CPEB4: variants seen among roughly 807,000 people sequenced by gnomAD.
CPEB4 encodes cytoplasmic polyadenylation element binding protein 4.
A neutral mutation model predicts 72.5 loss-of-function variants in CPEB4; 12 were observed. The observed-to-expected ratio is 0.17, with a 90% CI of 0.11 to 0.27. The LOEUF (loss-of-function observed/expected upper bound fraction) is 0.27. Among genes scored for constraint, CPEB4 ranks in the 10% least tolerant of loss-of-function variants. The pLI is 1.00. For synonymous variants in CPEB4, 302 were observed against 326.3 expected (o/e 0.93, Z 0.80); for missense variants, 614 against 908.5 (o/e 0.68, Z 4.17).
At chr5:173,917,835 G>A (rs759656856) in intron 2 of CPEB4, among the ~76,000 whole-genome samples, 1 of 152,242 alleles carries the variant, frequency 6.6e-6, no homozygotes, top group African/African-American at 2.4e-5. Flanking sequence ...GGTATCAAAT[G>A]TGTCTGGCGA....
intron 2 of CPEB4, among the ~76,000 whole-genome samples, chr5:173,925,335 G>A (rs1407065955): frequency 3.3e-5 from 5 of 152,156 alleles, no homozygotes; most frequent in Non-Finnish European, 5.9e-5. Context: ...CTCTTTGGGA[G>A]GGGACAAGAC....
At position 173,890,340 on chromosome 5, in the gene CPEB4, G is replaced by C; in HGVS notation, c.607G>C (p.Gly203Arg). 2 of 1,614,094 alleles carry C rather than the reference G, an allele frequency of 1.2e-6. No homozygotes were observed. Among genetic ancestry groups the C allele is most frequent in the Non-Finnish European group, 8.5e-7 (1 of 1,180,008 alleles). The change falls in exon 1 of 10, where the codon GGT becomes CGT. Residue 203 changes from glycine (G) to arginine (R), a missense_variant. Gly to Arg is a moderately radical substitution (Grantham distance 125, BLOSUM62 -2). Coordinates refer to ENST00000265085, the MANE Select transcript of CPEB4 (RefSeq NM_030627.4). The stretch of plus-strand genomic sequence containing the variant: ...GGTCCCTGCTGCTTCGGCTAATAAC[G>C]GTGCTCTGTTGTTTCAAAATTTCCC... The part of the protein sequence containing the change: ...GGVPAASANN[G>R]ALLFQNFPHH...
chr5:173,929,248 A>G (rs1016011456), intron 2 of CPEB4, among the ~76,000 whole-genome samples: 1 of 152,204 alleles, frequency 6.6e-6, no homozygotes, highest in Non-Finnish European at 1.5e-5. Context: ...TAATCTCATA[A>G]TAGAGTTAAG....
chr5:173,890,419 T>C lies in CPEB4; in HGVS notation c.686T>C (p.Leu229Pro). The C allele has an allele frequency of 6.2e-7, 1 of 1,613,706 alleles. No homozygotes were observed. Among genetic ancestry groups the C allele is most frequent in the Non-Finnish European group, 8.5e-7 (1 of 1,179,792 alleles). ...GGSFSPQIGPLSQHHPHHPHF... is the reference protein window; with the variant it reads ...GGSFSPQIGPPSQHHPHHPHF... ...AGCTTCTCTCCTCAGATCGGGCCTCTCTCACAGCACCACCCACATCACCCT... is the reference window on the plus strand; with the variant it reads ...AGCTTCTCTCCTCAGATCGGGCCTCCCTCACAGCACCACCCACATCACCCT... The change falls in exon 1 of 10, where the codon CTC becomes CCC. Residue 229 changes from leucine to proline, a missense_variant. This residue lies in a region of CPEB4 where 458 missense variants were observed against 548.6 expected (regional missense o/e 0.83). Coordinates refer to ENST00000265085, the MANE Select transcript of CPEB4 (RefSeq NM_030627.4).
chr5:173,901,997 G>A (rs760365004), intron 1 of CPEB4, among the ~76,000 whole-genome samples: 1 of 152,176 alleles, frequency 6.6e-6, no homozygotes. Context: ...GTGTAGGGAT[G>A]TGAGGGTCAT....
In CPEB4 at chr5:173,889,735, TG is replaced by T; in HGVS notation, c.7del (p.Asp3?). The T allele has an allele frequency of 6.4e-7, 1 of 1,562,262 alleles. No individual in the cohort carries two copies. On this transcript the variant is annotated frameshift_variant and start_lost, in exon 1 of 10. Coordinates refer to ENST00000265085, the MANE Select transcript of CPEB4 (RefSeq NM_030627.4). LOFTEE classifies it high-confidence loss of function. Reference sequence around the variant, plus strand: ...AGATTCTGCTCCTAAAGATAATAAATGGGGGATTACGGGTTTGGAGTGCTAG... The same window carrying T: ...AGATTCTGCTCCTAAAGATAATAAATGGGGATTACGGGTTTGGAGTGCTAG... [M>X]GDYGFGVLVQ...
Position 173,888,493 on chromosome 5 carries a change from G to T in CPEB4, c.-1241G>T. 1 of 428,052 alleles carries T rather than the reference G, an allele frequency of 2.3e-6. No homozygotes were observed. The allele number at this position is 428,052 out of a possible 1,614,324, so 26.5% of individuals were successfully genotyped here. On this transcript the variant is annotated 5_prime_UTR_variant, in exon 1 of 10. Transcript: ENST00000265085. This position sits in a 1 kb window ranked among gnomAD's most constrained non-coding sequence, Gnocchi z 4.3. ...AGGAAAGAAAAAGAAGAACCAGGAG[G>T]AGTCCTCAACAACGACAGCGGGGAC...
intron 9 of CPEB4, among the ~76,000 whole-genome samples, chr5:173,953,681 G>A (rs1047983619): frequency 6.6e-6 from 1 of 150,548 alleles, no homozygotes; most frequent in African/African-American, 2.4e-5. Context: ...ACATAGGGAA[G>A]ACCTCAGCAA....
chr5:173,925,338 G>A (rs1757207760), intron 2 of CPEB4, among the ~76,000 whole-genome samples: 1 of 152,132 alleles, frequency 6.6e-6, no homozygotes, highest in South Asian at 2.1e-4. Flanking sequence ...TTTGGGAGGG[G>A]ACAAGACTCT....
At chr5:173,895,382 G>A (rs546502949) in intron 1 of CPEB4, among the ~76,000 whole-genome samples, 8 of 152,238 alleles carry the variant, frequency 5.3e-5, no homozygotes, top group African/African-American at 1.7e-4. Context: ...TTATGTTGCC[G>A]CTTTCATTAG....
chr5:173,942,916 GT>G, intron 3 of CPEB4, 109 bp from the exon 4 acceptor site: 1 of 1,108,706 alleles, frequency 9.0e-7, no homozygotes, highest in African/African-American at 1.6e-5. Context: ...TATAGTCACA[GT>G]TTTTCCATTT....
At chr5:173,954,540 T>C (rs1045357129) in intron 9 of CPEB4, among the ~76,000 whole-genome samples, 6 of 152,080 alleles carry the variant, frequency 3.9e-5, no homozygotes, top group African/African-American at 1.4e-4. Flanking sequence ...GCCCAACAAA[T>C]GTTTGTATTT....
intron 3 of CPEB4, among the ~76,000 whole-genome samples, chr5:173,934,199 G>T (rs911177843): frequency 6.6e-6 from 1 of 151,954 alleles, no homozygotes; most frequent in Non-Finnish European, 1.5e-5. Flanking sequence ...AAAGAAAAAA[G>T]TATACTATTA....
chr5:173,951,694 G>A, intron 7 of CPEB4, 130 bp from the exon 8 acceptor site: 1 of 620,004 alleles, frequency 1.6e-6, no homozygotes, highest in South Asian at 2.0e-5. Context: ...AAATCTTCTA[G>A]TTTCCCAGCT....
chr5:173,910,612 T>C lies in CPEB4; in HGVS notation c.1207+8T>C. 6.5e-7 allele frequency: 1 copy of C among 1,531,858 alleles called. No homozygotes were observed. Among genetic ancestry groups the C allele is most frequent in the Non-Finnish European group, 9.0e-7 (1 of 1,105,280 alleles). The allele number at this position is 1,531,858 out of a possible 1,614,324, so 94.9% of individuals were successfully genotyped here. A position where few individuals can be genotyped will look rare whatever the true frequency, so the allele number is the denominator to read the frequency against. On this transcript the variant is annotated splice_region_variant and intron_variant, in intron 2 of 9. Coordinates refer to ENST00000265085, the MANE Select transcript of CPEB4 (RefSeq NM_030627.4). ...AAAATGATACCATTAAAGGTAAGTTTAGAAATATACCCAATTGATTTCAGA... is the reference window on the plus strand; with the variant it reads ...AAAATGATACCATTAAAGGTAAGTTCAGAAATATACCCAATTGATTTCAGA...
At chr5:173,922,666 C>T (rs562204944) in intron 2 of CPEB4, among the ~76,000 whole-genome samples, 2 of 152,302 alleles carry the variant, frequency 1.3e-5, no homozygotes, top group African/African-American at 2.4e-5. Flanking sequence ...GGAAACTTTT[C>T]CAAGTTGACT....
intron 1 of CPEB4, chr5:173,891,583 A>G (rs1055905097): frequency 2.8e-4 from 43 of 152,328 alleles, no homozygotes; most frequent in African/African-American, 1.0e-3. Context: ...TTAACATTGA[A>G]GATGTAGATA....
chr5:173,942,636 A>T (rs1420638116), intron 3 of CPEB4, among the ~76,000 whole-genome samples: 3 of 152,258 alleles, frequency 2.0e-5, no homozygotes, highest in Non-Finnish European at 4.4e-5. Flanking sequence ...TGAATTAAAT[A>T]TTGGTATATC....
intron 2 of CPEB4, among the ~76,000 whole-genome samples, chr5:173,925,150 A>G (rs1757200386): frequency 6.6e-6 from 1 of 152,188 alleles, no homozygotes; most frequent in Non-Finnish European, 1.5e-5. Context: ...ATGGGCCAGC[A>G]GTTCTGAATG....
Sources: gnomAD v4.1 joint callset for allele counts (sites outside exome capture counted in the v4.1 genomes callset) on GRCh38, gnomAD v4.1.1 for gene constraint, gnomAD v4.1.1 regional missense constraint, Gnocchi (gnomAD v3.1) non-coding constraint, MANE v1.5 for transcripts, NCBI Gene and HGNC (gene_info 2026-07-23, HGNC 2026-07-21) for gene names.